The following NAP1L4 variants were observed in gnomAD, a reference collection of about 807,000 sequenced individuals.
NAP1L4 encodes nucleosome assembly protein 1 like 4.
A neutral mutation model predicts 58.2 loss-of-function variants in NAP1L4; 15 were observed. That is an observed-to-expected ratio of 0.26 (90% CI 0.17 to 0.40). NAP1L4 has a LOEUF of 0.40. NAP1L4 is among the 10% of genes least tolerant of loss of function. NAP1L4 has a pLI of 1.00. For synonymous variants in NAP1L4, 171 were observed against 155.6 expected, an observed-to-expected ratio of 1.10 and a Z score of -0.74; for missense variants, 384 against 451.1, an observed-to-expected ratio of 0.85 and a Z score of 1.35.
At chr11:2,945,751 G>GA (rs955036674) in intron 15 of NAP1L4, 105 bp from the exon 16 acceptor site, 21 of 887,662 alleles carry the variant, frequency 2.4e-5, no homozygotes, top group African/African-American at 8.6e-5. Context: ...CATTCTCATT[G>GA]AAAAAAATGG....
At position 2,944,898 on chromosome 11, in the gene NAP1L4, T is replaced by A. The variant is rs1845861737; in HGVS notation, c.*781A>T. The A allele has an allele frequency of 6.6e-6, 1 of 152,202 alleles. No homozygotes were observed. The allele number at this position is 152,202 out of a possible 1,614,324, so 9.4% of individuals were successfully genotyped here. A position where few individuals can be genotyped will look rare whatever the true frequency, so the allele number is the denominator to read the frequency against. ...CCTGCTAGGAAGTGGCACATCTTCC[T>A]GCTCAGGGCACCAAGGTGGTTCAGA... On this transcript the variant is annotated 3_prime_UTR_variant, in exon 16 of 16. Transcript: ENST00000380542.
chr11:2,972,395 C>T (rs887092938), intron 4 of NAP1L4, 152 bp from the exon 5 acceptor site: 1 of 527,434 alleles, frequency 1.9e-6, no homozygotes, highest in Non-Finnish European at 3.0e-6. Flanking sequence ...GACAATACCC[C>T]AACAGGAAAA....
At chr11:2,964,407 T>C (rs922563921) in intron 8 of NAP1L4, among the ~76,000 whole-genome samples, 1 of 152,208 alleles carries the variant, frequency 6.6e-6, no homozygotes, top group African/African-American at 2.4e-5. Context: ...GGGCATCACA[T>C]GGTCTGCATC....
intron 4 of NAP1L4, among the ~76,000 whole-genome samples, chr11:2,975,182 G>C (rs1415514838): frequency 6.6e-6 from 1 of 151,198 alleles, no homozygotes; most frequent in Admixed American, 6.6e-5. Context: ...GCCATGCATG[G>C]TGGTGCATGC....
intron 1 of NAP1L4, among the ~76,000 whole-genome samples, chr11:2,987,615 G>A (rs1366684405): frequency 2.6e-5 from 4 of 151,374 alleles, no homozygotes; most frequent in African/African-American, 9.7e-5. Flanking sequence ...AAATTACCCA[G>A]GCGTGGTGGT....
rs994291892 is a variant in NAP1L4 at position 2,955,502 on chromosome 11, G to A, written c.915+242C>T. Reference sequence around the variant, plus strand: ...ATTACGGGCGTGAACCACCATGTTCGGCTGGCTAATTTATTTGGTTTTAAT... The same window carrying A: ...ATTACGGGCGTGAACCACCATGTTCAGCTGGCTAATTTATTTGGTTTTAAT... On this transcript the variant is annotated intron_variant, in intron 11 of 15. Transcript: ENST00000380542. The surrounding 1 kb of genome is among the most constrained non-coding windows in gnomAD (Gnocchi z 4.2). 2.0e-5 allele frequency among the ~76,000 whole-genome samples: 3 copies of A among 151,890 alleles called. No individual in the cohort carries two copies. Among genetic ancestry groups the A allele is most frequent in the Middle Eastern group, 3.2e-3 (1 of 316 alleles).
rs1289873309 is a variant in NAP1L4 at position 2,951,550 on chromosome 11, A to G, written c.1065+230T>C. On this transcript the variant is annotated intron_variant, in intron 13 of 15. Coordinates refer to ENST00000380542, the MANE Select transcript of NAP1L4 (RefSeq NM_005969.4). The surrounding 1 kb of genome is among the most constrained non-coding windows in gnomAD (Gnocchi z 4.0). ...AAAAAGTAGATTTTGTTAAATGATT[A>G]TTTTCTAAGATACATTTTCATGAAC... Among the ~76,000 whole-genome samples, 1 of 152,184 alleles carries G rather than the reference A, an allele frequency of 6.6e-6. No homozygotes were observed. Among genetic ancestry groups the G allele is most frequent in the East Asian group, 1.9e-4 (1 of 5,198 alleles).
Position 2,949,285 on chromosome 11 carries a change from A to C in NAP1L4, c.1123-21T>G. The stretch of plus-strand genomic sequence containing the variant: ...TACACCTAAATGGGGAAAAAAATTG[A>C]AAGGAACTGTCAGCATGAAAGAAAA... On this transcript the variant is annotated intron_variant, in intron 14 of 15. Coordinates refer to ENST00000380542, the MANE Select transcript of NAP1L4 (RefSeq NM_005969.4). This position sits in a 1 kb window ranked among gnomAD's most constrained non-coding sequence, Gnocchi z 4.0. 6 of 1,579,726 alleles carry C rather than the reference A, an allele frequency of 3.8e-6. No individual in the cohort carries two copies. The highest frequency in any genetic ancestry group is 5.2e-6 in the Non-Finnish European group (6 of 1,148,696).
At chr11:2,963,509 T>A (rs1847074108) in intron 8 of NAP1L4, among the ~76,000 whole-genome samples, 1 of 152,030 alleles carries the variant, frequency 6.6e-6, no homozygotes, top group African/African-American at 2.4e-5. Flanking sequence ...GAGGGACACC[T>A]GAATGTCACC....
intron 1 of NAP1L4, among the ~76,000 whole-genome samples, chr11:2,987,554 G>A (rs564883617): frequency 6.6e-6 from 1 of 151,258 alleles, no homozygotes; most frequent in Admixed American, 6.6e-5. Flanking sequence ...TCAGGAGTTC[G>A]AGACCAGCCT....
At chr11:2,976,344 A>T (rs1847958859) in intron 3 of NAP1L4, among the ~76,000 whole-genome samples, 1 of 152,176 alleles carries the variant, frequency 6.6e-6, no homozygotes, top group Admixed American at 6.5e-5. Context: ...GTAGTTACAA[A>T]TTTACTGAAT....
At chr11:2,978,608 C>T (rs1848112265) in intron 2 of NAP1L4, among the ~76,000 whole-genome samples, 1 of 152,164 alleles carries the variant, frequency 6.6e-6, no homozygotes, top group South Asian at 2.1e-4. Flanking sequence ...AGCTTCTTAG[C>T]TCTCATTTCT....
chr11:2,977,203 G>C (rs1848017383), intron 3 of NAP1L4, among the ~76,000 whole-genome samples: 2 of 152,064 alleles, frequency 1.3e-5, no homozygotes, highest in African/African-American at 2.4e-5. Flanking sequence ...ACCTCCGTGT[G>C]AAAGTTTGCT....
intron 7 of NAP1L4, among the ~76,000 whole-genome samples, chr11:2,966,490 GT>G (rs1847286516): frequency 6.6e-6 from 1 of 152,134 alleles, no homozygotes; most frequent in Non-Finnish European, 1.5e-5. Context: ...TCGGTGAGCT[GT>G]TTTTGTAGCT....
chr11:2,980,383 C>T (rs184787409), intron 1 of NAP1L4, among the ~76,000 whole-genome samples: 68 of 152,216 alleles, frequency 4.5e-4, no homozygotes, highest in Middle Eastern at 3.4e-3. Context: ...TAGGGTCTGG[C>T]TAAGTTGCCC....
Position 2,945,568 on chromosome 11 carries a change from AGTCCCGACAGCCG to A in NAP1L4, c.*98_*110del, listed in dbSNP as rs1265910015. On this transcript the variant is annotated 3_prime_UTR_variant, in exon 16 of 16. Coordinates refer to ENST00000380542, the MANE Select transcript of NAP1L4 (RefSeq NM_005969.4). ...ACCGAGGCCCCGCCCACAGGCCTGG[AGTCCCGACAGCCG>A]GTCTGCCAGGCACCCGCCTCCGCTT... 6.5e-7 allele frequency: 1 copy of A among 1,528,924 alleles called. No homozygotes were observed. Among genetic ancestry groups the A allele is most frequent in the Non-Finnish European group, 8.8e-7 (1 of 1,140,660 alleles). The allele number at this position is 1,528,924 out of a possible 1,614,324, so 94.7% of individuals were successfully genotyped here.
In NAP1L4 at chr11:2,969,914, T is replaced by G. The variant is rs776412330; in HGVS notation, c.423A>C (p.Val141=). The G allele has an allele frequency of 1.2e-6, 2 of 1,613,060 alleles. No homozygotes were observed. Among genetic ancestry groups the G allele is most frequent in the Non-Finnish European group, 8.5e-7 (1 of 1,179,474 alleles). The change falls in exon 7 of 16, where the codon GTA becomes GTC. Residue 141 remains valine, a synonymous_variant. Transcript: ENST00000380542. ...TTGCCGCTGCTTTTTCTGTGACGAC[T>G]ACTTTACTTTTCATGTCTCCCTAAA... ...EKLAGDMKSK[V]VVTEKAAATA... is the part of the protein sequence containing the mutation.
intron 1 of NAP1L4, among the ~76,000 whole-genome samples, chr11:2,986,968 C>A (rs1333030932): frequency 6.6e-6 from 1 of 152,006 alleles, no homozygotes; most frequent in Admixed American, 6.6e-5. Flanking sequence ...CACATTCAGT[C>A]TGAGGAATGG....
At chr11:2,962,961 G>A (rs1847022511) in intron 8 of NAP1L4, among the ~76,000 whole-genome samples, 2 of 151,596 alleles carry the variant, frequency 1.3e-5, no homozygotes, top group South Asian at 2.1e-4. Flanking sequence ...TTAGCTGGGC[G>A]TGGTGGTGCG....
Sources: allele counts gnomAD v4.1 joint callset (sites outside exome capture counted in the v4.1 genomes callset), GRCh38; gene constraint gnomAD v4.1.1; non-coding constraint Gnocchi (gnomAD v3.1); transcripts MANE v1.5; gene names NCBI Gene and HGNC (gene_info 2026-07-23, HGNC 2026-07-21).